FOXN3: variants seen among roughly 807,000 people sequenced by gnomAD.
FOXN3 encodes the protein forkhead box protein N3.
In FOXN3, 7 loss-of-function variants were observed where a neutral mutation model predicts 38.4. The observed-to-expected ratio is 0.18, with a 90% CI of 0.10 to 0.34. The LOEUF (loss-of-function observed/expected upper bound fraction) is 0.34. Ranked by LOEUF, FOXN3 falls within the 10% of genes least tolerant of loss-of-function variation. The pLI, the probability that FOXN3 is intolerant of heterozygous loss-of-function variation, is 1.00. For missense variants in FOXN3, 456 were observed against 613.4 expected (o/e 0.74, Z 2.71); for synonymous variants, 230 against 242.2 (o/e 0.95, Z 0.47).
At chr14:89,299,944 G>A (rs968184385) in intron 3 of FOXN3, among the ~76,000 whole-genome samples, 1 of 152,142 alleles carries the variant, frequency 6.6e-6, no homozygotes, top group Non-Finnish European at 1.5e-5. Flanking sequence ...AACTTGAACT[G>A]AATCGCAAGG....
intron 5 of FOXN3, among the ~76,000 whole-genome samples, chr14:89,176,971 T>C (rs1002554694): frequency 4.0e-5 from 6 of 151,662 alleles, no homozygotes; most frequent in Non-Finnish European, 7.4e-5. Context: ...TAATGCACAA[T>C]GGTTTTCTTT....
intron 1 of FOXN3, among the ~76,000 whole-genome samples, chr14:89,545,703 T>C (rs1017100090): frequency 1.3e-5 from 2 of 152,118 alleles, no homozygotes; most frequent in Non-Finnish European, 2.9e-5. Context: ...TAACAAAAAG[T>C]TGTTAATTTT....
At chr14:89,332,158 A>G (rs1400668830) in intron 3 of FOXN3, among the ~76,000 whole-genome samples, 1 of 152,180 alleles carries the variant, frequency 6.6e-6, no homozygotes. Context: ...TTCTGCTGCA[A>G]TATTCTATGA....
At chr14:89,179,562 C>A (rs1034138275) in intron 5 of FOXN3, among the ~76,000 whole-genome samples, 15 of 152,146 alleles carry the variant, frequency 9.9e-5, no homozygotes, top group African/African-American at 3.6e-4. Flanking sequence ...CAGGACCTGG[C>A]ACATGCAATA....
intron 1 of FOXN3, among the ~76,000 whole-genome samples, chr14:89,451,935 A>G (rs1321346543): frequency 6.6e-6 from 1 of 152,116 alleles, no homozygotes; most frequent in Admixed American, 6.6e-5. Context: ...CTGTCTCAAC[A>G]TCTCAGCCGC....
chr14:89,467,572 C>T (rs1596286169), intron 1 of FOXN3, among the ~76,000 whole-genome samples: 1 of 148,312 alleles, frequency 6.7e-6, no homozygotes. Flanking sequence ...AAAGGCAAAA[C>T]AGCACAGGAA....
chr14:89,584,521 T>C (rs1895807575), intron 1 of FOXN3, among the ~76,000 whole-genome samples: 1 of 152,210 alleles, frequency 6.6e-6, no homozygotes, highest in African/African-American at 2.4e-5. Context: ...GAGTTTCCGT[T>C]TCTTTACATT....
intron 2 of FOXN3, among the ~76,000 whole-genome samples, chr14:89,363,618 T>C (rs986692370): frequency 1.3e-5 from 2 of 152,220 alleles, no homozygotes; most frequent in Non-Finnish European, 2.9e-5. Context: ...GATGATGACG[T>C]ATACAATATA....
chr14:89,602,304 T>C (rs1353129972), intron 1 of FOXN3, among the ~76,000 whole-genome samples: 4 of 147,846 alleles, frequency 2.7e-5, no homozygotes, highest in South Asian at 2.1e-4. Flanking sequence ...AAAAAACACA[T>C]GCGAAAGAAA....
chr14:89,541,471 GCAC>G (rs1391360395), intron 1 of FOXN3, among the ~76,000 whole-genome samples: 1 of 152,222 alleles, frequency 6.6e-6, no homozygotes, highest in East Asian at 1.9e-4. Flanking sequence ...ACTCCCACCA[GCAC>G]CACAACAGTT....
rs895195487 is a variant in FOXN3, at chr14:89,357,556, C to T, written c.544-6748G>A. Among the ~76,000 whole-genome samples, 4 of 150,760 alleles carry T rather than the reference C, an allele frequency of 2.7e-5. No homozygotes were observed. In the South Asian group the frequency reaches 6.3e-4, roughly 24 times the overall value. ...CTGGGAGGCGAAGGTTGCGGTGAGC[C>T]GAGATCGTGCCACTGCACTCCAGCC... On this transcript the variant is annotated intron_variant, in intron 2 of 5. Coordinates refer to ENST00000557258, the MANE Select transcript of FOXN3 (RefSeq NM_005197.4).
At chr14:89,472,281 TC>T (rs1466252659) in intron 1 of FOXN3, among the ~76,000 whole-genome samples, 1 of 150,468 alleles carries the variant, frequency 6.6e-6, no homozygotes, top group East Asian at 2.0e-4. Flanking sequence ...AAAGGAAACT[TC>T]CCTATTTTAT....
At chr14:89,453,559 CAAAAAA>C (rs35296047) in intron 1 of FOXN3, among the ~76,000 whole-genome samples, 1 of 72,752 alleles carries the variant, frequency 1.4e-5, no homozygotes, top group African/African-American at 5.5e-5. Flanking sequence ...GACTCCGTCT[CAAAAAA>C]AAAAAAAAAA....
rs867781150 is a variant in FOXN3, at chr14:89,511,203, T to C, written c.-14-98713A>G. ...TTTCTTTCTTTCTTTTCTTTCTTTCTTTTCTTTCTTTCTTTCTTTCTTTCT... is the reference window on the plus strand; with the variant it reads ...TTTCTTTCTTTCTTTTCTTTCTTTCCTTTCTTTCTTTCTTTCTTTCTTTCT... On this transcript the variant is annotated intron_variant, in intron 1 of 6. Coordinates refer to the FOXN3 transcript ENST00000345097. 2.7e-3 allele frequency among the ~76,000 whole-genome samples: 40 copies of C among 15,010 alleles called. 3 individuals are homozygous for C. Among genetic ancestry groups the C allele is most frequent in the Admixed American group, 0.012 (7 of 600 alleles). 9.8% of individuals were successfully genotyped at this position (15,010 alleles called of 152,430 possible). A position where few individuals can be genotyped will look rare whatever the true frequency, so the allele number is the denominator to read the frequency against.
chr14:89,180,554 A>G (rs1314306114), intron 5 of FOXN3, 147 bp downstream of exon 5: 1 of 508,968 alleles, frequency 2.0e-6, no homozygotes, highest in African/African-American at 2.0e-5. Context: ...TCTTGGGGTT[A>G]CTTTCACATT....
At chr14:89,198,804 A>G (rs1020116921) in intron 4 of FOXN3, among the ~76,000 whole-genome samples, 1 of 152,250 alleles carries the variant, frequency 6.6e-6, no homozygotes, top group Non-Finnish European at 1.5e-5. Flanking sequence ...CCTCACACTA[A>G]GCTCACAGAT....
intron 4 of FOXN3, among the ~76,000 whole-genome samples, chr14:89,206,802 C>A (rs1206775414): frequency 2.6e-5 from 4 of 152,174 alleles, no homozygotes; most frequent in Non-Finnish European, 5.9e-5. Flanking sequence ...CAACATTCTT[C>A]TAGAAAGAGT....
intron 4 of FOXN3, among the ~76,000 whole-genome samples, chr14:89,194,165 C>A (rs970096324): frequency 1.3e-5 from 2 of 151,984 alleles, no homozygotes; most frequent in Non-Finnish European, 2.9e-5. Flanking sequence ...TTTTAATAAG[C>A]AGAAGTCTTT....
chr14:89,312,561 T>A (rs910245519), intron 3 of FOXN3, among the ~76,000 whole-genome samples: 1 of 151,892 alleles, frequency 6.6e-6, no homozygotes, highest in African/African-American at 2.4e-5. Flanking sequence ...CTGGGATAAA[T>A]ATGTCTATCT....
Sources: gnomAD v4.1 joint callset for allele counts (sites outside exome capture counted in the v4.1 genomes callset) on GRCh38, gnomAD v4.1.1 for gene constraint, MANE v1.5 for transcripts, NCBI Gene and HGNC (gene_info 2026-07-23, HGNC 2026-07-21) for gene names.